Variants in EFCAB6 observed in about 807,000 individuals in gnomAD.
The protein encoded by EFCAB6 is EF-hand calcium binding domain 6, also known as EF-hand calcium-binding domain-containing protein 6.
A neutral mutation model predicts 169.8 loss-of-function variants in EFCAB6; 156 were observed. The observed-to-expected ratio is 0.92, with a 90% CI of 0.81 to 1.05. EFCAB6 has a LOEUF of 1.05. Ranked by LOEUF, EFCAB6 falls within the 50% of genes least tolerant of loss-of-function variation. The pLI, the probability that EFCAB6 is intolerant of heterozygous loss-of-function variation, is 0.00. For synonymous variants in EFCAB6, 698 were observed against 676.4 expected, an observed-to-expected ratio of 1.03 and a Z score of -0.50; for missense variants, 1,800 against 1,829.1, an observed-to-expected ratio of 0.98 and a Z score of 0.29.
At chr22:43,739,129 CCT>C (rs758402273) in intron 6 of EFCAB6, among the ~76,000 whole-genome samples, 8 of 152,208 alleles carry the variant, frequency 5.3e-5, no homozygotes, top group African/African-American at 1.4e-4. Flanking sequence ...AATGTGTCCC[CCT>C]CTCTTAAAAC....
At chr22:43,559,268 T>A (rs1272380380) in intron 26 of EFCAB6, among the ~76,000 whole-genome samples, 1 of 152,136 alleles carries the variant, frequency 6.6e-6, no homozygotes, top group African/African-American at 2.4e-5. Flanking sequence ...AAAAAGCTCA[T>A]CATCACTGGT....
At position 43,782,279 on chromosome 22, in the gene EFCAB6, G is replaced by A. The variant is rs937565193; in HGVS notation, c.40C>T (p.His14Tyr). ...MAIIPDWLRSHPHTRKFTHSR... is the reference protein window; with the variant it reads ...MAIIPDWLRSYPHTRKFTHSR... ...TGTGTAAATTTTCGTGTGTGAGGAT[G>A]CGACCTAAGCCAGTCTGGTATAATC... The change falls in exon 3 of 32, where the codon CAT (histidine) becomes TAT (tyrosine). Residue 14 changes from histidine (H) to tyrosine (Y), a missense_variant. By Grantham distance (83) the His-to-Tyr change is moderately conservative. Coordinates refer to ENST00000262726, the MANE Select transcript of EFCAB6 (RefSeq NM_022785.4). The A allele has an allele frequency of 3.1e-6, 5 of 1,613,968 alleles. No homozygotes were observed. In the African/African-American group the frequency reaches 6.7e-5, roughly 22 times the overall value.
chr22:43,623,908 CAAA>C (rs59667895), intron 20 of EFCAB6, among the ~76,000 whole-genome samples: 1 of 94,816 alleles, frequency 1.1e-5, no homozygotes, highest in Non-Finnish European at 2.1e-5. Context: ...GACTCCTTCT[CAAA>C]AAAAAAAAAA....
At chr22:43,715,347 C>T (rs1005947185) in intron 9 of EFCAB6, among the ~76,000 whole-genome samples, 2 of 152,142 alleles carry the variant, frequency 1.3e-5, no homozygotes, top group African/African-American at 4.8e-5. Context: ...CCTATTCATG[C>T]CTCAGTGTCC....
At chr22:43,561,882 C>T (rs942348213) in intron 26 of EFCAB6, among the ~76,000 whole-genome samples, 6 of 152,154 alleles carry the variant, frequency 3.9e-5, no homozygotes, top group African/African-American at 9.7e-5. Context: ...ATATTAACTG[C>T]GCTTTACATC....
chr22:43,791,417 A>G (rs2148114193), intron 2 of EFCAB6, among the ~76,000 whole-genome samples: 1 of 152,148 alleles, frequency 6.6e-6, no homozygotes, highest in African/African-American at 2.4e-5. Flanking sequence ...TCATGTATAT[A>G]AAGGCATGAT....
intron 19 of EFCAB6, 26 bp from the exon 20 acceptor site, chr22:43,626,705 G>T: frequency 2.5e-6 from 4 of 1,611,174 alleles, no homozygotes; most frequent in Non-Finnish European, 3.4e-6. Flanking sequence ...ACACGTCAAA[G>T]CCCTTCCCCA....
chr22:43,738,341 CAT>C (rs1169993698), intron 6 of EFCAB6, among the ~76,000 whole-genome samples: 4 of 151,440 alleles, frequency 2.6e-5, no homozygotes, highest in Non-Finnish European at 5.9e-5. Flanking sequence ...CACACACCTG[CAT>C]ATACTCATTC....
intron 10 of EFCAB6, among the ~76,000 whole-genome samples, chr22:43,697,456 C>A (rs1245312327): frequency 6.6e-6 from 1 of 152,098 alleles, no homozygotes. Flanking sequence ...GGAAATATAT[C>A]AAAATATTAA....
intron 19 of EFCAB6, among the ~76,000 whole-genome samples, chr22:43,630,414 G>A (rs562284750): frequency 6.6e-6 from 1 of 152,322 alleles, no homozygotes; most frequent in South Asian, 2.1e-4. Context: ...GAAAACACAG[G>A]ATATACGTTG....
intron 20 of EFCAB6, 63 bp from the exon 21 acceptor site, chr22:43,615,985 G>A (rs1207814459): frequency 2.5e-5 from 35 of 1,392,762 alleles, no homozygotes; most frequent in South Asian, 1.3e-5. Flanking sequence ...AATCTCCCAA[G>A]GGGTTTCCCT....
chr22:43,656,546 A>G (rs956453056), intron 17 of EFCAB6, among the ~76,000 whole-genome samples: 4 of 152,198 alleles, frequency 2.6e-5, no homozygotes, highest in African/African-American at 9.7e-5. Flanking sequence ...GTGATGCCAT[A>G]AGATTATATC....
At chr22:43,666,967 C>G in intron 17 of EFCAB6, 137 bp downstream of exon 17, 2 of 1,126,328 alleles carry the variant, frequency 1.8e-6, no homozygotes, top group East Asian at 5.5e-5. Context: ...AAAAAAAAAT[C>G]CTTTTAAATT....
intron 20 of EFCAB6, among the ~76,000 whole-genome samples, chr22:43,624,793 A>C (rs889163889): frequency 6.6e-6 from 1 of 152,212 alleles, no homozygotes; most frequent in East Asian, 1.9e-4. Flanking sequence ...TCTAGCATAT[A>C]GTAGGCCCTT....
chr22:43,545,793 C>T (rs955861949), intron 27 of EFCAB6, among the ~76,000 whole-genome samples: 4 of 152,168 alleles, frequency 2.6e-5, no homozygotes, highest in African/African-American at 4.8e-5. Flanking sequence ...GTGGAGGAAC[C>T]GAAGCAGCGT....
rs907934660 is a variant in EFCAB6, at chr22:43,576,538, C to A, written c.3229-50G>T. The A allele has an allele frequency of 5.5e-6, 8 of 1,447,666 alleles. No individual in the cohort carries two copies. The Admixed American group carries it at 8.0e-5, about 14-fold the overall frequency. 89.7% of individuals were successfully genotyped at this position (1,447,666 alleles called of 1,614,324 possible). A position where few individuals can be genotyped will look rare whatever the true frequency, so the allele number is the denominator to read the frequency against. ...GATGGCAAATCCTGTCAAATGAATA[C>A]TTCTAAAACACTTTCCTTAAGTACT... On this transcript the variant is annotated intron_variant, in intron 25 of 31. Coordinates refer to ENST00000262726, the MANE Select transcript of EFCAB6 (RefSeq NM_022785.4).
At chr22:43,737,138 T>C (rs2060170168) in intron 6 of EFCAB6, among the ~76,000 whole-genome samples, 1 of 152,126 alleles carries the variant, frequency 6.6e-6, no homozygotes, top group African/African-American at 2.4e-5. Flanking sequence ...CTTCCAAACC[T>C]GTCCAAATGG....
At chr22:43,713,636 T>G (rs1358581105) in intron 9 of EFCAB6, among the ~76,000 whole-genome samples, 1 of 152,196 alleles carries the variant, frequency 6.6e-6, no homozygotes, top group East Asian at 1.9e-4. Flanking sequence ...AGGTGTAATT[T>G]CCGGAGAAAC....
chr22:43,678,276 T>C, intron 12 of EFCAB6, 113 bp from the exon 13 acceptor site: 1 of 996,792 alleles, frequency 1.0e-6, no homozygotes, highest in Non-Finnish European at 1.4e-6. Flanking sequence ...CCAAATAGAA[T>C]TATGATTGGA....
Sources: allele counts gnomAD v4.1 joint callset (sites outside exome capture counted in the v4.1 genomes callset), GRCh38; gene constraint gnomAD v4.1.1; transcripts MANE v1.5; gene names NCBI Gene and HGNC (gene_info 2026-07-23, HGNC 2026-07-21).